Variants in COL4A2 observed in about 807,000 individuals in gnomAD.
COL4A2 encodes the protein collagen type IV alpha 2 chain, also known as collagen alpha-2(IV) chain.
COL4A2 carries 99 observed loss-of-function variants against 200.2 expected under a neutral mutation model. That is an observed-to-expected ratio of 0.49 (90% CI 0.42 to 0.58). The LOEUF (loss-of-function observed/expected upper bound fraction) is 0.58, where lower values mean the gene tolerates loss of function less well. COL4A2 is among the 20% of genes least tolerant of loss of function. The pLI is 0.00. For missense variants in COL4A2, 1,950 were observed against 2,314.1 expected (o/e 0.84, Z 3.23); for synonymous variants, 897 against 900.6 (o/e 1.00, Z 0.07).
chr13:110,374,538 C>A (rs1292302480), intron 4 of COL4A2, among the ~76,000 whole-genome samples: 1 of 152,188 alleles, frequency 6.6e-6, no homozygotes, highest in Non-Finnish European at 1.5e-5. Context: ...AATATCCATC[C>A]TTTTCCCCAT....
intron 3 of COL4A2, among the ~76,000 whole-genome samples, chr13:110,350,588 C>T (rs1240669696): frequency 6.6e-6 from 1 of 152,202 alleles, no homozygotes. Context: ...ATAACTCCTA[C>T]CTTCTGTTGC....
At chr13:110,457,834 G>C in intron 21 of COL4A2, 1 of 467,276 alleles carries the variant, frequency 2.1e-6, no homozygotes, top group South Asian at 1.6e-5. Context: ...ATAGCAAGGT[G>C]CTGGTATAGT....
intron 4 of COL4A2, among the ~76,000 whole-genome samples, chr13:110,413,073 G>T (rs943942530): frequency 6.6e-6 from 1 of 152,278 alleles, no homozygotes. Context: ...ATTGAATGGA[G>T]GGTGGAGGGG....
At position 110,399,973 on chromosome 13, in the gene COL4A2, T is replaced by G. The variant is rs568486389; in HGVS notation, c.181-24761T>G. On this transcript the variant is annotated intron_variant, in intron 4 of 47. Coordinates refer to ENST00000360467, the MANE Select transcript of COL4A2 (RefSeq NM_001846.4). Reference sequence around the variant, plus strand: ...TCCACAAGGCCAAGAGAATCTAATGTTCTTGAATTTGTTCCATATTCACGA... The same window carrying G: ...TCCACAAGGCCAAGAGAATCTAATGGTCTTGAATTTGTTCCATATTCACGA... 1.3e-4 allele frequency among the ~76,000 whole-genome samples: 20 copies of G among 152,354 alleles called. No individual in the cohort carries two copies. In the South Asian group the frequency reaches 3.9e-3, roughly 30 times the overall value.
intron 11 of COL4A2, 70 bp from the exon 12 acceptor site, chr13:110,434,331 A>G (rs1880792845): frequency 6.7e-7 from 1 of 1,487,004 alleles, no homozygotes; most frequent in Non-Finnish European, 9.2e-7. Context: ...TTCTTTTTCT[A>G]AGAAAAATAA....
chr13:110,307,848 T>G lies in COL4A2; in HGVS notation c.-44-12T>G, dbSNP rs916814542. 3.8e-6 allele frequency: 6 copies of G among 1,567,818 alleles called. No homozygotes were observed. In the Admixed American group the frequency reaches 1.1e-4, roughly 28 times the overall value. On this transcript the variant is annotated splice_polypyrimidine_tract_variant and intron_variant, in intron 1 of 47. Coordinates refer to ENST00000360467, the MANE Select transcript of COL4A2 (RefSeq NM_001846.4). The surrounding 1 kb of genome is among the most constrained non-coding windows in gnomAD (Gnocchi z 5.0). ...CATCCTGCGCTAAACTCGCTTTGTC[T>G]GTCGCCTCTAGGCTAAGTGGGACTG...
chr13:110,358,697 A>G (rs1476451021), intron 4 of COL4A2, among the ~76,000 whole-genome samples: 1 of 152,210 alleles, frequency 6.6e-6, no homozygotes, highest in Non-Finnish European at 1.5e-5. Flanking sequence ...TTGACCAAAA[A>G]GTCATGATGC....
At chr13:110,419,523 C>T (rs1475116935) in intron 4 of COL4A2, among the ~76,000 whole-genome samples, 1 of 152,228 alleles carries the variant, frequency 6.6e-6, no homozygotes, top group Non-Finnish European at 1.5e-5. Flanking sequence ...TGTAGGGCTA[C>T]ACTGCGTGTG....
intron 4 of COL4A2, among the ~76,000 whole-genome samples, chr13:110,381,404 A>G (rs1042809641): frequency 1.3e-5 from 2 of 152,224 alleles, no homozygotes; most frequent in African/African-American, 2.4e-5. Context: ...AGATTTCTTT[A>G]GGAAAAAAAT....
intron 20 of COL4A2, among the ~76,000 whole-genome samples, chr13:110,454,733 T>G (rs1451502483): frequency 1.3e-5 from 2 of 152,050 alleles, no homozygotes; most frequent in African/African-American, 4.8e-5. Context: ...GAACTCGTCC[T>G]CCACATGAAA....
intron 40 of COL4A2, among the ~76,000 whole-genome samples, chr13:110,497,354 C>T (rs943374809): frequency 3.3e-5 from 5 of 150,860 alleles, no homozygotes; most frequent in African/African-American, 1.2e-4. Flanking sequence ...CAGCTTCAGC[C>T]AGGATTGAGG....
chr13:110,467,132 T>G (rs370051435), intron 27 of COL4A2, 36 bp downstream of exon 27: 4 of 1,613,210 alleles, frequency 2.5e-6, no homozygotes, highest in Non-Finnish European at 3.4e-6. Flanking sequence ...GCACCCAGCC[T>G]TCCTCCCACA....
intron 3 of COL4A2, among the ~76,000 whole-genome samples, chr13:110,325,012 G>A (rs770940868): frequency 2.0e-5 from 3 of 152,156 alleles, no homozygotes; most frequent in South Asian, 2.1e-4. Context: ...GAGCACGTTC[G>A]ACCCTTAGCA....
intron 20 of COL4A2, among the ~76,000 whole-genome samples, chr13:110,456,033 T>C (rs6492278): frequency 0.59 from 89,219 of 152,112 alleles, 27,099 homozygotes; most frequent in Middle Eastern, 0.73. Flanking sequence ...CTTGTGTGTC[T>C]TGCAGACACA....
At chr13:110,351,470 G>A (rs1035521097) in intron 3 of COL4A2, among the ~76,000 whole-genome samples, 3 of 152,108 alleles carry the variant, frequency 2.0e-5, no homozygotes, top group East Asian at 1.9e-4. Context: ...AAGAATGACC[G>A]GTCCTTCATC....
intron 45 of COL4A2, among the ~76,000 whole-genome samples, chr13:110,504,508 G>A (rs372501375): frequency 5.9e-5 from 9 of 152,356 alleles, no homozygotes; most frequent in East Asian, 3.9e-4. Flanking sequence ...TGGAGTGGGC[G>A]GCAGGGATCA....
chr13:110,471,325 A>G (rs1202793586), intron 28 of COL4A2, among the ~76,000 whole-genome samples: 1 of 152,194 alleles, frequency 6.6e-6, no homozygotes, highest in African/African-American at 2.4e-5. Context: ...TCCACCATCA[A>G]ATGTGAGCCC....
intron 24 of COL4A2, among the ~76,000 whole-genome samples, chr13:110,465,039 A>C (rs898783540): frequency 6.6e-6 from 1 of 152,256 alleles, no homozygotes; most frequent in South Asian, 2.1e-4. Context: ...ATGCTAAATT[A>C]TAACAACAAA....
chr13:110,408,702 T>C (rs1363900472), intron 4 of COL4A2, among the ~76,000 whole-genome samples: 1 of 152,050 alleles, frequency 6.6e-6, no homozygotes, highest in Non-Finnish European at 1.5e-5. Context: ...GCGGCATTGC[T>C]CCTGCCTGGT....
Sources: gnomAD v4.1 joint callset for allele counts (sites outside exome capture counted in the v4.1 genomes callset) on GRCh38, gnomAD v4.1.1 for gene constraint, Gnocchi (gnomAD v3.1) non-coding constraint, MANE v1.5 for transcripts, NCBI Gene and HGNC (gene_info 2026-07-23, HGNC 2026-07-21) for gene names.